Variants in FGF14 observed in about 807,000 individuals in gnomAD.
The protein encoded by FGF14 is fibroblast growth factor homologous factor 4.
Under a neutral mutation model 25.5 loss-of-function variants are expected in FGF14, and 5 were observed. The ratio of observed to expected loss-of-function variants is 0.20; its 90% confidence interval spans 0.10 to 0.41. The LOEUF (loss-of-function observed/expected upper bound fraction) is 0.41. Ranked by LOEUF, FGF14 falls within the 10% of genes least tolerant of loss-of-function variation. The probability of loss-of-function intolerance (pLI) is 1.00; values close to 1 mark genes in which losing one functional copy is unlikely to be tolerated. For missense variants in FGF14, 222 were observed against 320.1 expected (o/e 0.69, Z 2.34); for synonymous variants, 138 against 118.3 (o/e 1.17, Z -1.08).
chr13:102,028,571 T>G (rs957138805), intron 1 of FGF14, among the ~76,000 whole-genome samples: 1 of 152,074 alleles, frequency 6.6e-6, no homozygotes, highest in Non-Finnish European at 1.5e-5. Context: ...TGCTTACTAT[T>G]TATCAGATGC....
chr13:101,784,852 C>T (rs2039710853), intron 3 of FGF14, among the ~76,000 whole-genome samples: 1 of 152,166 alleles, frequency 6.6e-6, no homozygotes. Flanking sequence ...CATATCACTG[C>T]ATACGCAATC....
chr13:101,906,918 C>T (rs371487495), intron 1 of FGF14, among the ~76,000 whole-genome samples: 9 of 152,064 alleles, frequency 5.9e-5, no homozygotes, highest in African/African-American at 2.2e-4. Context: ...TGAAAACGTT[C>T]CACATAGAGA....
chr13:102,162,250 G>C (rs1407468127), intron 1 of FGF14, among the ~76,000 whole-genome samples: 2 of 152,124 alleles, frequency 1.3e-5, no homozygotes, highest in Non-Finnish European at 2.9e-5. Flanking sequence ...AACAAAGCCT[G>C]CTATTTTAGG....
At chr13:102,090,040 G>T (rs1449914443) in intron 1 of FGF14, among the ~76,000 whole-genome samples, 1 of 152,128 alleles carries the variant, frequency 6.6e-6, no homozygotes, top group Non-Finnish European at 1.5e-5. Context: ...GTCTTCTAGT[G>T]TTAGATGATT....
At chr13:102,376,062 T>G (rs534680633) in intron 1 of FGF14, among the ~76,000 whole-genome samples, 2 of 152,262 alleles carry the variant, frequency 1.3e-5, no homozygotes, top group East Asian at 3.9e-4. Flanking sequence ...CATTAACTAT[T>G]GGAATCTGTA....
At chr13:102,100,466 G>A (rs1038778818) in intron 1 of FGF14, among the ~76,000 whole-genome samples, 4 of 152,214 alleles carry the variant, frequency 2.6e-5, no homozygotes, top group Admixed American at 2.6e-4. Context: ...AGAAGGAGGT[G>A]CTTCCGGACC....
chr13:102,168,232 A>G (rs2048102463), intron 1 of FGF14, among the ~76,000 whole-genome samples: 1 of 152,156 alleles, frequency 6.6e-6, no homozygotes, highest in South Asian at 2.1e-4. Context: ...AAGAATGAAG[A>G]AAAAGGTGCG....
intron 1 of FGF14, among the ~76,000 whole-genome samples, chr13:102,131,337 G>T (rs1227852811): frequency 6.6e-6 from 1 of 152,210 alleles, no homozygotes; most frequent in East Asian, 1.9e-4. Flanking sequence ...TATTTCAACT[G>T]ATGCTTTTTA....
chr13:101,774,313 A>G (rs2038963519), intron 3 of FGF14, among the ~76,000 whole-genome samples: 1 of 152,120 alleles, frequency 6.6e-6, no homozygotes, highest in Admixed American at 6.5e-5. Context: ...AACATCTGTA[A>G]TATTAATAAT....
At chr13:102,295,024 C>A (rs1296742302) in intron 1 of FGF14, among the ~76,000 whole-genome samples, 1 of 152,114 alleles carries the variant, frequency 6.6e-6, no homozygotes, top group African/African-American at 2.4e-5. Flanking sequence ...ATTTGTTTTT[C>A]TCCCATCAGT....
chr13:101,873,439 T>C (rs528927587), intron 2 of FGF14, among the ~76,000 whole-genome samples: 11 of 152,252 alleles, frequency 7.2e-5, no homozygotes, highest in African/African-American at 2.2e-4. Context: ...GGCATCAGTC[T>C]TTAGCCTGAT....
chr13:101,728,820 C>T (rs1321301195), intron 3 of FGF14, among the ~76,000 whole-genome samples: 1 of 152,114 alleles, frequency 6.6e-6, no homozygotes, highest in African/African-American at 2.4e-5. Context: ...CTGCCCAGAA[C>T]CTGGCTCACT....
intron 1 of FGF14, among the ~76,000 whole-genome samples, chr13:102,159,750 T>C (rs940775166): frequency 1.3e-5 from 2 of 152,204 alleles, no homozygotes; most frequent in Non-Finnish European, 2.9e-5. Flanking sequence ...AACATACAGT[T>C]AGTATTGGCT....
intron 1 of FGF14, among the ~76,000 whole-genome samples, chr13:102,250,268 C>T (rs2052102962): frequency 6.6e-6 from 1 of 152,150 alleles, no homozygotes; most frequent in Admixed American, 6.5e-5. Context: ...AGAGGACAGC[C>T]ACAATTTCCC....
chr13:102,240,737 A>T (rs1250999144), intron 1 of FGF14, among the ~76,000 whole-genome samples: 1 of 152,206 alleles, frequency 6.6e-6, no homozygotes, highest in Non-Finnish European at 1.5e-5. Context: ...AAATTTTTTA[A>T]AACATTTTTT....
chr13:102,087,575 CTTTTT>C (rs1166446102), intron 1 of FGF14, among the ~76,000 whole-genome samples: 25,776 of 79,792 alleles, frequency 0.32, 3,106 homozygotes, highest in Non-Finnish European at 0.39. Flanking sequence ...CCATGCCTGG[CTTTTT>C]TTTTTTTTTT....
Position 101,724,622 on chromosome 13 carries a change from AT to A in FGF14, c.608-1656del, listed in dbSNP as rs1566820023. Reference sequence around the variant, plus strand: ...AATATATATATATATATATATATATATATATATATAAAACAAAGATATGAAT... The same window carrying A: ...AATATATATATATATATATATATATAATATATATAAAACAAAGATATGAAT... On this transcript the variant is annotated intron_variant, in intron 4 of 4. Coordinates refer to ENST00000376143, the MANE Select transcript of FGF14 (RefSeq NM_004115.4). 4.5e-3 allele frequency among the ~76,000 whole-genome samples: 653 copies of A among 144,286 alleles called. 14 individuals carry two copies. The highest frequency in any genetic ancestry group is 0.021 in the Admixed American group (301 of 14,242). The allele number at this position is 144,286 out of a possible 152,430, so 94.7% of individuals were successfully genotyped here.
intron 3 of FGF14, among the ~76,000 whole-genome samples, chr13:101,838,144 T>G (rs997077260): frequency 6.6e-6 from 1 of 152,016 alleles, no homozygotes; most frequent in African/African-American, 2.4e-5. Context: ...TTGCTTAATA[T>G]TTCTAAACTC....
At chr13:102,278,617 C>A (rs2053661639) in intron 1 of FGF14, among the ~76,000 whole-genome samples, 1 of 132,130 alleles carries the variant, frequency 7.6e-6, no homozygotes, top group South Asian at 2.4e-4. Flanking sequence ...ACTCTACATA[C>A]ATTTTATGTA....
Sources: gnomAD v4.1 joint callset for allele counts (sites outside exome capture counted in the v4.1 genomes callset) on GRCh38, gnomAD v4.1.1 for gene constraint, MANE v1.5 for transcripts, NCBI Gene and HGNC (gene_info 2026-07-23, HGNC 2026-07-21) for gene names.